OPCML: variants seen among roughly 807,000 people sequenced by gnomAD.
OPCML encodes opioid-binding protein/cell adhesion molecule.
OPCML carries 13 observed loss-of-function variants against 37.8 expected under a neutral mutation model. The observed-to-expected ratio is 0.34, with a 90% CI of 0.22 to 0.55. The LOEUF (loss-of-function observed/expected upper bound fraction) is 0.55. OPCML is among the 20% of genes least tolerant of loss of function. OPCML has a pLI of 0.91. For synonymous variants in OPCML, 176 were observed against 168.8 expected (o/e 1.04, Z -0.33); for missense variants, 341 against 435.6 (o/e 0.78, Z 1.93).
chr11:133,502,865 T>C (rs1391140809), intron 1 of OPCML, among the ~76,000 whole-genome samples: 1 of 152,166 alleles, frequency 6.6e-6, no homozygotes, highest in African/African-American at 2.4e-5. Context: ...GAAGGCCTTC[T>C]GGATGGGACT....
At chr11:132,934,014 T>A (rs1591821344) in intron 2 of OPCML, among the ~76,000 whole-genome samples, 1 of 152,096 alleles carries the variant, frequency 6.6e-6, no homozygotes, top group African/African-American at 2.4e-5. Context: ...CAGTGGATAG[T>A]CAAGGTGGAC....
intron 1 of OPCML, among the ~76,000 whole-genome samples, chr11:133,473,716 A>G (rs1235519984): frequency 1.3e-5 from 2 of 152,154 alleles, no homozygotes; most frequent in East Asian, 1.9e-4. Context: ...TGTTGCTTCC[A>G]TTGGCTAGGC....
At chr11:132,817,876 C>T (rs888818183) in intron 2 of OPCML, among the ~76,000 whole-genome samples, 1 of 151,604 alleles carries the variant, frequency 6.6e-6, no homozygotes, top group African/African-American at 2.4e-5. Flanking sequence ...ACAATATAAA[C>T]CTTAAACTTT....
chr11:132,602,614 A>G (rs887615078), intron 3 of OPCML, among the ~76,000 whole-genome samples: 11 of 152,258 alleles, frequency 7.2e-5, no homozygotes, highest in South Asian at 2.1e-4. Flanking sequence ...GGGGTCCCCA[A>G]TGTTGCATTT....
intron 2 of OPCML, among the ~76,000 whole-genome samples, chr11:132,778,452 A>G (rs1946882014): frequency 1.3e-5 from 2 of 152,248 alleles, no homozygotes; most frequent in Admixed American, 1.3e-4. Context: ...GCAAATCATG[A>G]CCTCAAGAAC....
intron 1 of OPCML, among the ~76,000 whole-genome samples, chr11:133,153,839 A>G (rs1367779850): frequency 2.6e-5 from 4 of 152,242 alleles, no homozygotes; most frequent in African/African-American, 9.6e-5. Context: ...GATGTGAAGT[A>G]TCACACGTGG....
At chr11:132,675,962 C>A (rs1395530486) in intron 2 of OPCML, among the ~76,000 whole-genome samples, 1 of 152,030 alleles carries the variant, frequency 6.6e-6, no homozygotes, top group Non-Finnish European at 1.5e-5. Context: ...ACATAGAAAT[C>A]CAAGGGACTC....
chr11:132,851,335 AAT>A (rs1208531914), intron 2 of OPCML, among the ~76,000 whole-genome samples: 5 of 152,226 alleles, frequency 3.3e-5, no homozygotes, highest in African/African-American at 1.2e-4. Flanking sequence ...TAATACAATT[AAT>A]TTTCTTTGTA....
chr11:133,221,534 C>T (rs995027007), intron 1 of OPCML, among the ~76,000 whole-genome samples: 11 of 152,152 alleles, frequency 7.2e-5, no homozygotes, highest in South Asian at 4.1e-4. Flanking sequence ...TATTCGGAAA[C>T]GCTGAAGCTC....
chr11:132,598,927 A>T (rs760571590), intron 3 of OPCML, among the ~76,000 whole-genome samples: 1 of 152,112 alleles, frequency 6.6e-6, no homozygotes, highest in Non-Finnish European at 1.5e-5. Context: ...CTGAGTTTTG[A>T]GGAAGAGGCT....
chr11:133,481,444 A>AATAAAT (rs1947368874), intron 1 of OPCML, among the ~76,000 whole-genome samples: 1 of 150,108 alleles, frequency 6.7e-6, no homozygotes, highest in African/African-American at 2.5e-5. Flanking sequence ...CCCAGTTAAA[A>AATAAAT]AAATAAATAA....
At chr11:133,215,529 G>A (rs1939548486) in intron 1 of OPCML, among the ~76,000 whole-genome samples, 1 of 152,076 alleles carries the variant, frequency 6.6e-6, no homozygotes, top group Admixed American at 6.5e-5. Flanking sequence ...CTATTCCCAG[G>A]GTCCTCTGCG....
chr11:132,927,916 T>C (rs375614757), intron 2 of OPCML, among the ~76,000 whole-genome samples: 1 of 152,014 alleles, frequency 6.6e-6, no homozygotes, highest in African/African-American at 2.4e-5. Flanking sequence ...ATATTGTATA[T>C]AAGCCCTATG....
At chr11:133,269,556 T>G (rs1941761212) in intron 1 of OPCML, among the ~76,000 whole-genome samples, 1 of 152,242 alleles carries the variant, frequency 6.6e-6, no homozygotes, top group African/African-American at 2.4e-5. Flanking sequence ...CTGAACTTTA[T>G]TACTCATGTT....
chr11:132,562,742 C>T (rs898212556), intron 3 of OPCML, among the ~76,000 whole-genome samples: 2 of 152,032 alleles, frequency 1.3e-5, no homozygotes, highest in African/African-American at 4.8e-5. Flanking sequence ...CCAAGCAGAA[C>T]GATGCTATCT....
At chr11:132,435,276 A>G (rs1226547231) in intron 7 of OPCML, 1 of 1,286,596 alleles carries the variant, frequency 7.8e-7, no homozygotes, top group Non-Finnish European at 1.0e-6. Flanking sequence ...GACAAAGTTT[A>G]CTTAATGTCA....
intron 4 of OPCML, among the ~76,000 whole-genome samples, chr11:132,455,539 A>G (rs542199990): frequency 2.0e-4 from 31 of 152,286 alleles, no homozygotes; most frequent in African/African-American, 6.7e-4. Flanking sequence ...GGAGCATGCT[A>G]TCTCCCTTGC....
chr11:133,340,279 G>A (rs948868924), intron 1 of OPCML, among the ~76,000 whole-genome samples: 5 of 152,092 alleles, frequency 3.3e-5, no homozygotes, highest in Non-Finnish European at 7.4e-5. Flanking sequence ...CGGGTAATCC[G>A]GCAGTATGCA....
chr11:132,535,101 T>A (rs1370434711), intron 3 of OPCML, among the ~76,000 whole-genome samples: 1 of 149,490 alleles, frequency 6.7e-6, no homozygotes. Context: ...TAATATAGTA[T>A]AACATTACTA....
Sources: gnomAD v4.1 joint callset for allele counts (sites outside exome capture counted in the v4.1 genomes callset) on GRCh38, gnomAD v4.1.1 for gene constraint, MANE v1.5 for transcripts, NCBI Gene and HGNC (gene_info 2026-07-23, HGNC 2026-07-21) for gene names.